Variants in LINGO2 observed in about 807,000 individuals in gnomAD.
LINGO2 encodes the protein leucine-rich repeat and immunoglobulin-like domain-containing nogo receptor-interacting protein 2.
A neutral mutation model predicts 30.6 loss-of-function variants in LINGO2; 14 were observed. That is an observed-to-expected ratio of 0.46 (90% CI 0.30 to 0.72). The LOEUF (loss-of-function observed/expected upper bound fraction) is 0.72, where lower values mean the gene tolerates loss of function less well. Among genes scored for constraint, LINGO2 ranks in the 30% least tolerant of loss-of-function variants. The pLI, the probability that LINGO2 is intolerant of heterozygous loss-of-function variation, is 0.07. For synonymous variants in LINGO2, 317 were observed against 288.5 expected (o/e 1.10, Z -1.00); for missense variants, 729 against 751.7 (o/e 0.97, Z 0.35).
intron 1 of LINGO2, among the ~76,000 whole-genome samples, chr9:28,626,970 C>G (rs758700909): frequency 4.0e-5 from 6 of 151,834 alleles, no homozygotes; most frequent in Non-Finnish European, 8.8e-5. Flanking sequence ...TTTTTATTAG[C>G]TGATGCATTT....
At chr9:28,813,685 T>C in the LINGO2 span, among the ~76,000 whole-genome samples, 243 of 152,250 alleles carry the variant, frequency 1.6e-3, no homozygotes, top group African/African-American at 5.7e-3. Flanking sequence ...ACAAGGTAAT[T>C]ATATTTTGTA....
At chr9:29,069,530 ATT>A in the LINGO2 span, among the ~76,000 whole-genome samples, 1 of 152,046 alleles carries the variant, frequency 6.6e-6, no homozygotes, top group African/African-American at 2.4e-5. Flanking sequence ...AGAGCAAAAG[ATT>A]GCATGCAGAG....
intron 1 of LINGO2, among the ~76,000 whole-genome samples, chr9:28,536,634 T>A (rs572967935): frequency 1.3e-5 from 2 of 152,270 alleles, no homozygotes; most frequent in East Asian, 3.9e-4. Flanking sequence ...TTCAGTGTAT[T>A]CTAATTCTGA....
intron 1 of LINGO2, among the ~76,000 whole-genome samples, chr9:28,494,577 A>T (rs1819522178): frequency 6.6e-6 from 1 of 152,166 alleles, no homozygotes; most frequent in Admixed American, 6.5e-5. Context: ...ATAATATTCC[A>T]GGGTGTATAT....
chr9:28,035,961 GTCAT>G (rs1436610010), intron 4 of LINGO2, among the ~76,000 whole-genome samples: 41 of 152,154 alleles, frequency 2.7e-4, no homozygotes, highest in Middle Eastern at 3.4e-3. Context: ...ACATGATGTG[GTCAT>G]TCAATATCTA....
chr9:29,105,980 C>G, the LINGO2 span, among the ~76,000 whole-genome samples: 3 of 152,172 alleles, frequency 2.0e-5, no homozygotes, highest in African/African-American at 7.2e-5. Flanking sequence ...AAACTGACAG[C>G]TTTTATTTGA....
chr9:27,962,032 C>A (rs544364006), intron 5 of LINGO2, among the ~76,000 whole-genome samples: 33 of 152,136 alleles, frequency 2.2e-4, no homozygotes, highest in Non-Finnish European at 3.5e-4. Context: ...AGATTAATGA[C>A]TTTTCCACTC....
chr9:28,918,025 G>A, the LINGO2 span, among the ~76,000 whole-genome samples: 1 of 152,042 alleles, frequency 6.6e-6, no homozygotes, highest in African/African-American at 2.4e-5. Context: ...GGTATATTCA[G>A]CTAGAAAACA....
At chr9:28,499,373 C>T (rs924310342) in intron 1 of LINGO2, among the ~76,000 whole-genome samples, 3 of 152,178 alleles carry the variant, frequency 2.0e-5, no homozygotes, top group African/African-American at 7.2e-5. Flanking sequence ...CTGATAAAGT[C>T]TTGAGTGATC....
chr9:29,009,834 A>G, the LINGO2 span, among the ~76,000 whole-genome samples: 9 of 152,176 alleles, frequency 5.9e-5, no homozygotes, highest in African/African-American at 1.9e-4. Flanking sequence ...AAACAGAGAT[A>G]CAGACCAATG....
chr9:28,542,967 G>A (rs1309189115), intron 1 of LINGO2, among the ~76,000 whole-genome samples: 1 of 152,092 alleles, frequency 6.6e-6, no homozygotes, highest in African/African-American at 2.4e-5. Context: ...GACGTGTAGG[G>A]CACAGAAAAC....
At chr9:28,041,891 T>C (rs1824212889) in intron 4 of LINGO2, among the ~76,000 whole-genome samples, 2 of 152,202 alleles carry the variant, frequency 1.3e-5, no homozygotes, top group African/African-American at 2.4e-5. Context: ...TGAACTACTT[T>C]AGCATGATCT....
intron 1 of LINGO2, among the ~76,000 whole-genome samples, chr9:28,665,775 A>C (rs1390741428): frequency 2.6e-5 from 4 of 152,160 alleles, no homozygotes; most frequent in Admixed American, 2.6e-4. Context: ...CATATCATTC[A>C]GGCAATCATT....
At chr9:28,699,662 T>C in the LINGO2 span, among the ~76,000 whole-genome samples, 25 of 152,068 alleles carry the variant, frequency 1.6e-4, no homozygotes, top group Admixed American at 4.6e-4. Flanking sequence ...AGAGAGCGTA[T>C]AAATGGATGT....
chr9:29,060,005 T>G, the LINGO2 span, among the ~76,000 whole-genome samples: 1 of 152,048 alleles, frequency 6.6e-6, no homozygotes. Context: ...AATGCAAAAT[T>G]CAACTTCTAG....
At chr9:28,371,884 A>G (rs1234525781) in intron 3 of LINGO2, among the ~76,000 whole-genome samples, 2 of 152,206 alleles carry the variant, frequency 1.3e-5, no homozygotes. Flanking sequence ...AGCAAGTTAA[A>G]ATCGAATACC....
chr9:28,852,744 C>T, the LINGO2 span, among the ~76,000 whole-genome samples: 290 of 152,068 alleles, frequency 1.9e-3, 1 homozygote, highest in African/African-American at 6.9e-3. Context: ...ACTTTTCTAC[C>T]AGTTGTCTAA....
At chr9:29,060,083 A>G in the LINGO2 span, among the ~76,000 whole-genome samples, 1 of 152,090 alleles carries the variant, frequency 6.6e-6, no homozygotes, top group African/African-American at 2.4e-5. Flanking sequence ...ATGACTCACA[A>G]GTAATTGAAT....
At chr9:28,345,085 C>T (rs550459315) in intron 3 of LINGO2, among the ~76,000 whole-genome samples, 8 of 150,204 alleles carry the variant, frequency 5.3e-5, no homozygotes, top group African/African-American at 7.3e-5. Flanking sequence ...TAGTGGCTGA[C>T]GTGTTAAGAA....
Sources: allele counts gnomAD v4.1 joint callset (sites outside exome capture counted in the v4.1 genomes callset), GRCh38; gene constraint gnomAD v4.1.1; transcripts MANE v1.5; gene names NCBI Gene and HGNC (gene_info 2026-07-23, HGNC 2026-07-21).